The following LRBA variants were observed in gnomAD, a reference collection of about 807,000 sequenced individuals.
LRBA encodes lipopolysaccharide-responsive and beige-like anchor protein.
LRBA carries 176 observed loss-of-function variants against 330.0 expected under a neutral mutation model. The ratio of observed to expected loss-of-function variants is 0.53; its 90% CI spans 0.47 to 0.60. The LOEUF is 0.60. Ranked by LOEUF, LRBA falls within the 20% of genes least tolerant of loss-of-function variation. The pLI is 0.00. For missense variants in LRBA, 3,259 were observed against 3,444.8 expected (o/e 0.95, Z 1.35); for synonymous variants, 1,230 against 1,193.0 (o/e 1.03, Z -0.64).
At chr4:150,646,421 C>A (rs758211896) in intron 37 of LRBA, among the ~76,000 whole-genome samples, 3 of 151,954 alleles carry the variant, frequency 2.0e-5, no homozygotes, top group Admixed American at 6.6e-5. Flanking sequence ...ATACAGAAAT[C>A]TGGAATTCAG....
intron 52 of LRBA, 43 bp from the exon 53 acceptor site, chr4:150,302,835 AT>A (rs879698988): frequency 1.4e-6 from 2 of 1,463,602 alleles, no homozygotes; most frequent in Non-Finnish European, 1.8e-6. Flanking sequence ...TATTAAAAAA[AT>A]AAAAATTCTA....
rs34244316 is a variant in LRBA at position 150,500,269 on chromosome 4, TA to T, written c.6331-9235del. Among the ~76,000 whole-genome samples, 587 of 143,548 alleles carry T rather than the reference TA, an allele frequency of 4.1e-3. 3 individuals carry two copies. Among genetic ancestry groups the T allele is most frequent in the African/African-American group, 5.4e-3 (212 of 39,626 alleles). 94.2% of individuals were successfully genotyped at this position (143,548 alleles called of 152,430 possible). On this transcript the variant is annotated intron_variant, in intron 40 of 56. Coordinates refer to ENST00000651943, the MANE Select transcript of LRBA (RefSeq NM_001364905.1). ...AAAATAAAATGACCAAAGGTAAAGT[TA>T]AAAAAAAAAAAATCCCCCCTTGGGC...
intron 55 of LRBA, 75 bp from the exon 56 acceptor site, chr4:150,278,079 T>TC: frequency 7.6e-7 from 1 of 1,308,042 alleles, no homozygotes; most frequent in Non-Finnish European, 1.1e-6. Context: ...TTTGAGTCAT[T>TC]CTTACACCAG....
intron 34 of LRBA, among the ~76,000 whole-genome samples, chr4:150,796,361 G>C (rs1199957864): frequency 6.6e-6 from 1 of 151,898 alleles, no homozygotes; most frequent in African/African-American, 2.4e-5. Context: ...GTATACATCT[G>C]GAGCTAATTC....
intron 30 of LRBA, among the ~76,000 whole-genome samples, chr4:150,820,826 T>A (rs1013493825): frequency 6.6e-6 from 1 of 152,094 alleles, no homozygotes; most frequent in Non-Finnish European, 1.5e-5. Context: ...ACCTATCGTG[T>A]TTATGTTGTT....
intron 34 of LRBA, among the ~76,000 whole-genome samples, chr4:150,766,218 C>T (rs924190095): frequency 1.3e-5 from 2 of 151,854 alleles, no homozygotes; most frequent in Non-Finnish European, 2.9e-5. Context: ...AAAATACAAA[C>T]CTTATACTTT....
chr4:150,879,627 C>G (rs1480024109), intron 17 of LRBA, among the ~76,000 whole-genome samples: 3 of 152,164 alleles, frequency 2.0e-5, no homozygotes, highest in Non-Finnish European at 4.4e-5. Context: ...CTAAAGACTC[C>G]TCCAAAAGGC....
At chr4:150,584,184 G>C in intron 40 of LRBA, 9 of 1,417,742 alleles carry the variant, frequency 6.3e-6, no homozygotes, top group Non-Finnish European at 8.3e-6. Flanking sequence ...ATAAACAGCA[G>C]AAACTCTGGA....
intron 34 of LRBA, among the ~76,000 whole-genome samples, chr4:150,766,095 C>T (rs1008723263): frequency 1.3e-5 from 2 of 151,832 alleles, no homozygotes; most frequent in Admixed American, 6.6e-5. Flanking sequence ...CTGGTTTTCT[C>T]GAGGATCATC....
intron 47 of LRBA, among the ~76,000 whole-genome samples, chr4:150,389,166 G>A (rs1226612715): frequency 2.0e-5 from 3 of 152,108 alleles, no homozygotes; most frequent in African/African-American, 4.8e-5. Flanking sequence ...TATAAAGGCA[G>A]TAAATTTAGG....
chr4:150,491,022 G>A lies in LRBA; in HGVS notation c.6344C>T (p.Thr2115Ile), dbSNP rs1758870648. The change falls in exon 41 of 57, where the codon ACA becomes ATA. Residue 2115 changes from threonine (T) to isoleucine (I), a missense_variant. Thr to Ile is a moderately conservative substitution (Grantham distance 89). Coordinates refer to ENST00000651943, the MANE Select transcript of LRBA (RefSeq NM_001364905.1). ...CAGCCATTTTCCATGCAGCCCTTCTGTATATGCCAAGATCTAATGAGGAAA... is the reference window on the plus strand; with the variant it reads ...CAGCCATTTTCCATGCAGCCCTTCTATATATGCCAAGATCTAATGAGGAAA... ...KKIDPKILAY[T>I]EGLHGKWLFT... is the part of the protein sequence containing the mutation. 1 of 1,579,586 alleles carries A rather than the reference G, an allele frequency of 6.3e-7. No homozygotes were observed. The highest frequency in any genetic ancestry group is 8.7e-7 in the Non-Finnish European group (1 of 1,154,274).
chr4:150,909,112 C>A (rs1162083294), intron 9 of LRBA, among the ~76,000 whole-genome samples: 1 of 152,018 alleles, frequency 6.6e-6, no homozygotes, highest in East Asian at 1.9e-4. Context: ...TTCGTATATT[C>A]TTTTTTTAAA....
intron 2 of LRBA, among the ~76,000 whole-genome samples, chr4:150,983,179 C>G (rs1741049343): frequency 6.6e-6 from 1 of 152,142 alleles, no homozygotes; most frequent in South Asian, 2.1e-4. Flanking sequence ...AGTTTTTAGC[C>G]AGGTGCAGTG....
chr4:150,800,429 G>GAT lies in LRBA; in HGVS notation c.5519-2289_5519-2288dup, dbSNP rs1350465441. The stretch of plus-strand genomic sequence containing the variant: ...TAACATTGGGAGCAAAGAAATAGAG[G>GAT]ATAGCCCCAATAAGGAACTTAACAT... On this transcript the variant is annotated intron_variant, in intron 33 of 56. Transcript: ENST00000651943. Among the ~76,000 whole-genome samples the GAT allele has an allele frequency of 2.0e-5, 3 of 152,258 alleles. No individual in the cohort carries two copies. The East Asian group carries it at 5.8e-4, about 29-fold the overall frequency.
intron 37 of LRBA, among the ~76,000 whole-genome samples, chr4:150,642,379 C>A (rs1384945073): frequency 6.6e-6 from 1 of 151,738 alleles, no homozygotes; most frequent in African/African-American, 2.4e-5. Context: ...GTTACTCTTT[C>A]TTTTATGAAA....
intron 51 of LRBA, chr4:150,311,361 T>C (rs974266323): frequency 2.6e-5 from 4 of 152,226 alleles, no homozygotes; most frequent in Non-Finnish European, 4.4e-5. Flanking sequence ...TGCATCCGAT[T>C]ATTAAGCTTT....
intron 47 of LRBA, among the ~76,000 whole-genome samples, chr4:150,384,334 G>A (rs1393026705): frequency 6.6e-6 from 1 of 152,014 alleles, no homozygotes; most frequent in Non-Finnish European, 1.5e-5. Context: ...CACTGAGCCC[G>A]GCCCAGTGTG....
chr4:150,926,062 A>G (rs1270375050), intron 4 of LRBA, among the ~76,000 whole-genome samples: 1 of 152,240 alleles, frequency 6.6e-6, no homozygotes, highest in East Asian at 1.9e-4. Context: ...TGAGTTGGAA[A>G]GAAAGTGGAG....
intron 2 of LRBA, among the ~76,000 whole-genome samples, chr4:150,952,755 T>A (rs1736986393): frequency 6.6e-6 from 1 of 152,178 alleles, no homozygotes; most frequent in African/African-American, 2.4e-5. Flanking sequence ...ATTATGTGTA[T>A]CTGTGCTTTA....
Sources: gnomAD v4.1 joint callset for allele counts (sites outside exome capture counted in the v4.1 genomes callset) on GRCh38, gnomAD v4.1.1 for gene constraint, MANE v1.5 for transcripts, NCBI Gene and HGNC (gene_info 2026-07-23, HGNC 2026-07-21) for gene names.